The following TRPV3 variants were observed in gnomAD, a reference collection of about 807,000 sequenced individuals.
TRPV3 encodes the protein VRL-3.
A neutral mutation model predicts 87.1 loss-of-function variants in TRPV3; 88 were observed. The observed-to-expected ratio is 1.01, with a 90% CI of 0.85 to 1.21. The LOEUF is 1.21. Among genes scored for constraint, TRPV3 ranks in the 50% most tolerant of loss-of-function variants. The pLI, the probability that TRPV3 is intolerant of heterozygous loss-of-function variation, is 0.00. For missense variants in TRPV3, 1,054 were observed against 1,030.1 expected, an observed-to-expected ratio of 1.02 and a Z score of -0.32; for synonymous variants, 438 against 423.3, an observed-to-expected ratio of 1.03 and a Z score of -0.43.
intron 2 of TRPV3, among the ~76,000 whole-genome samples, chr17:3,551,723 G>C (rs1357717485): frequency 1.3e-5 from 2 of 152,090 alleles, no homozygotes. Context: ...GATGACAGCT[G>C]CTCTCAGGGA....
At chr17:3,533,065 A>C in intron 7 of TRPV3, 128 bp from the exon 8 acceptor site, 1 of 1,063,366 alleles carries the variant, frequency 9.4e-7, no homozygotes, top group Non-Finnish European at 1.3e-6. Flanking sequence ...CCCTCTCCCC[A>C]TCTTCCGCTT....
Position 3,530,258 on chromosome 17 carries a change from A to T in TRPV3, c.1066-55T>A. 6.5e-7 allele frequency: 1 copy of T among 1,544,436 alleles called. No individual in the cohort carries two copies. Among genetic ancestry groups the T allele is most frequent in the Non-Finnish European group, 8.8e-7 (1 of 1,140,164 alleles). ...TGCAGAACAGGGGCTTAAGGCCAAC[A>T]GGGCTGGACCAGCCAGAGGCTGGCT... is the stretch of plus-strand genomic sequence containing the variant. On this transcript the variant is annotated intron_variant, in intron 8 of 17. Coordinates refer to ENST00000576742, the MANE Select transcript of TRPV3 (RefSeq NM_145068.4). The surrounding 1 kb of genome is among the most constrained non-coding windows in gnomAD (Gnocchi z 4.0).
At chr17:3,516,719 A>G (rs906637199) in intron 15 of TRPV3, 150 bp from the exon 16 acceptor site, 2 of 652,296 alleles carry the variant, frequency 3.1e-6, no homozygotes, top group Non-Finnish European at 2.7e-6. Context: ...TTCAAAGACA[A>G]AAAAGCAGGC....
chr17:3,513,648 C>T lies in TRPV3; in HGVS notation c.*269G>A, dbSNP rs1425364334. The T allele has an allele frequency of 2.7e-6, 1 of 367,394 alleles. No homozygotes were observed. Among genetic ancestry groups the T allele is most frequent in the East Asian group, 4.3e-5 (1 of 23,342 alleles). The allele number at this position is 367,394 out of a possible 1,614,324, so 22.8% of individuals were successfully genotyped here. On this transcript the variant is annotated 3_prime_UTR_variant, in exon 18 of 18. Coordinates refer to ENST00000576742, the MANE Select transcript of TRPV3 (RefSeq NM_145068.4). ...AAACCAGAGGCTTCACCCGGGACTT[C>T]AGGAGGCTCCCAGGCTCCAGACTGC... is the stretch of plus-strand genomic sequence containing the variant.
chr17:3,543,676 T>G, intron 4 of TRPV3, 48 bp from the exon 5 acceptor site: 1 of 1,605,814 alleles, frequency 6.2e-7, no homozygotes, highest in South Asian at 1.1e-5. Flanking sequence ...CCTCTCAAGC[T>G]CAATCTCTCC....
At chr17:3,526,953 T>C in intron 11 of TRPV3, 26 bp from the exon 12 acceptor site, 2 of 1,591,484 alleles carry the variant, frequency 1.3e-6, no homozygotes, top group Non-Finnish European at 1.7e-6. Flanking sequence ...AAAGAAACAG[T>C]GCACCCTCTT....
chr17:3,536,407 G>A (rs554174432), intron 6 of TRPV3, among the ~76,000 whole-genome samples: 6 of 152,262 alleles, frequency 3.9e-5, no homozygotes, highest in African/African-American at 1.4e-4. Context: ...TGACCAACAT[G>A]GTGAAACATG....
intron 2 of TRPV3, among the ~76,000 whole-genome samples, chr17:3,545,962 G>C (rs662712): frequency 0.31 from 44,859 of 144,990 alleles, 7,470 homozygotes; most frequent in Middle Eastern, 0.41. Context: ...TGCACTCCAG[G>C]CTGCGTGACA....
chr17:3,551,369 G>A (rs553378057), intron 2 of TRPV3, among the ~76,000 whole-genome samples: 23 of 152,346 alleles, frequency 1.5e-4, no homozygotes, highest in African/African-American at 5.3e-4. Context: ...AGCGTCATAA[G>A]CACATGGCAA....
At chr17:3,555,293 G>C (rs931589581) in intron 1 of TRPV3, among the ~76,000 whole-genome samples, 8 of 152,200 alleles carry the variant, frequency 5.3e-5, no homozygotes, top group Non-Finnish European at 1.0e-4. Flanking sequence ...GCTTTCCTGA[G>C]GTCCCTCTCC....
At chr17:3,546,786 C>T (rs907678773) in intron 2 of TRPV3, 7 of 385,372 alleles carry the variant, frequency 1.8e-5, no homozygotes, top group South Asian at 1.0e-4. Context: ...GAGGCCAATG[C>T]GGCAAAACCC....
intron 1 of TRPV3, among the ~76,000 whole-genome samples, chr17:3,555,704 T>C (rs1001388666): frequency 3.3e-5 from 5 of 152,158 alleles, no homozygotes; most frequent in African/African-American, 1.2e-4. Flanking sequence ...GGATAGACCG[T>C]ACAGGCTGCT....
rs1048076575 is a variant in TRPV3, at chr17:3,518,304, A to C, written c.2085+272T>G. Among the ~76,000 whole-genome samples, 35 of 152,192 alleles carry C rather than the reference A, an allele frequency of 2.3e-4. No individual in the cohort carries two copies. The highest frequency in any genetic ancestry group is 4.8e-4 in the African/African-American group (20 of 41,458). ...TCCTCTTAATGCAACCTAAGGTCAA[A>C]CTTCAACATCCACACATCACACTGT... is the stretch of plus-strand genomic sequence containing the variant. On this transcript the variant is annotated intron_variant, in intron 15 of 17. Transcript: ENST00000576742. This position sits in a 1 kb window ranked among gnomAD's most constrained non-coding sequence, Gnocchi z 4.3.
chr17:3,519,357 TATGGAGGGATGG>T (rs71153364), intron 14 of TRPV3, among the ~76,000 whole-genome samples: 21,627 of 135,692 alleles, frequency 0.16, 2,530 homozygotes, highest in South Asian at 0.27. Context: ...GATGGATGGA[TATGGAGGGATGG>T]ATGGAGGGAT....
intron 7 of TRPV3, 70 bp from the exon 8 acceptor site, chr17:3,533,007 T>TG: frequency 6.4e-7 from 1 of 1,568,342 alleles, no homozygotes; most frequent in Non-Finnish European, 8.7e-7. Context: ...GCCCCAGGAC[T>TG]GGGGCCCATA....
At chr17:3,532,626 C>G in intron 8 of TRPV3, 31 bp downstream of exon 8, 1 of 1,609,652 alleles carries the variant, frequency 6.2e-7, no homozygotes, top group Non-Finnish European at 8.5e-7. Context: ...GACCTCCCGA[C>G]CTCCTGCCTC....
intron 2 of TRPV3, chr17:3,552,967 C>T (rs2074592950): frequency 6.6e-6 from 1 of 152,416 alleles, no homozygotes; most frequent in African/African-American, 2.4e-5. Context: ...CACCAGTTTT[C>T]CCTTTTGCCT....
At chr17:3,519,742 ATGGATT>A (rs2074224711) in intron 14 of TRPV3, among the ~76,000 whole-genome samples, 1 of 124,350 alleles carries the variant, frequency 8.0e-6, no homozygotes, top group Non-Finnish European at 1.9e-5. Context: ...GGATGGATGG[ATGGATT>A]GATGGATGAA....
intron 2 of TRPV3, among the ~76,000 whole-genome samples, chr17:3,545,832 A>G (rs1009414846): frequency 5.3e-5 from 8 of 150,802 alleles, no homozygotes; most frequent in African/African-American, 1.9e-4. Flanking sequence ...TGCAAAAAAA[A>G]AAAAAAAAGT....
Sources: allele counts gnomAD v4.1 joint callset (sites outside exome capture counted in the v4.1 genomes callset), GRCh38; gene constraint gnomAD v4.1.1; non-coding constraint Gnocchi (gnomAD v3.1); transcripts MANE v1.5; gene names NCBI Gene and HGNC (gene_info 2026-07-23, HGNC 2026-07-21).